The following HMGA2 variants were observed in gnomAD, a reference collection of about 807,000 sequenced individuals.
HMGA2 encodes high mobility group AT-hook 2.
Under a neutral mutation model 19.1 loss-of-function variants are expected in HMGA2, and 8 were observed. The ratio of observed to expected loss-of-function variants is 0.42; its 90% CI spans 0.25 to 0.76. The LOEUF is 0.76. HMGA2 is among the 30% of genes least tolerant of loss of function. The pLI is 0.28. For missense variants in HMGA2, 109 were observed against 136.3 expected, an observed-to-expected ratio of 0.80 and a Z score of 1.00; for synonymous variants, 60 against 48.8, an observed-to-expected ratio of 1.23 and a Z score of -0.96.
intron 3 of HMGA2, among the ~76,000 whole-genome samples, chr12:65,862,068 C>G (rs1872116424): frequency 6.6e-6 from 1 of 152,066 alleles, no homozygotes; most frequent in African/African-American, 2.4e-5. Context: ...TGGTCTTAGT[C>G]TTCTGACCTC....
chr12:65,826,125 G>C (rs553712477), intron 1 of HMGA2: 1 of 152,518 alleles, frequency 6.6e-6, no homozygotes, highest in East Asian at 1.9e-4. Flanking sequence ...GTGCAGGGTA[G>C]CCAGGGTCGC....
At chr12:65,842,230 G>T in intron 3 of HMGA2, 1 of 650,082 alleles carries the variant, frequency 1.5e-6, no homozygotes, top group Non-Finnish European at 2.5e-6. Context: ...GACCTTTAAA[G>T]GTCCAGTTTC....
intron 3 of HMGA2, chr12:65,915,189 C>T (rs1202601426): frequency 3.7e-6 from 6 of 1,608,918 alleles, no homozygotes; most frequent in Non-Finnish European, 5.1e-6. Flanking sequence ...GAGGAATTGT[C>T]CATTACATCT....
intron 3 of HMGA2, among the ~76,000 whole-genome samples, chr12:65,922,534 C>A (rs769287251): frequency 2.6e-5 from 4 of 152,174 alleles, no homozygotes; most frequent in Admixed American, 6.5e-5. Flanking sequence ...AAGTAACTAG[C>A]TTGCTTTTAA....
intron 3 of HMGA2, chr12:65,842,623 C>T (rs1033313012): frequency 6.5e-7 from 1 of 1,535,512 alleles, no homozygotes; most frequent in South Asian, 1.2e-5. Flanking sequence ...AGAAGCCTTT[C>T]TTCCAATAGC....
chr12:65,853,772 A>G (rs1013057332), intron 3 of HMGA2, among the ~76,000 whole-genome samples: 6 of 152,196 alleles, frequency 3.9e-5, no homozygotes, highest in Non-Finnish European at 8.8e-5. Context: ...GCGCATCGTG[A>G]GTGCTCAATA....
At chr12:65,860,361 AT>A (rs1454058029) in intron 3 of HMGA2, among the ~76,000 whole-genome samples, 1 of 152,230 alleles carries the variant, frequency 6.6e-6, no homozygotes, top group Non-Finnish European at 1.5e-5. Flanking sequence ...TTGTATGGAT[AT>A]TTGAAGTATA....
At chr12:65,886,642 A>G (rs1873670384) in intron 3 of HMGA2, among the ~76,000 whole-genome samples, 1 of 151,224 alleles carries the variant, frequency 6.6e-6, no homozygotes, top group Admixed American at 6.6e-5. Flanking sequence ...CAGGCATGAG[A>G]CACAACGCCC....
intron 3 of HMGA2, chr12:65,915,276 T>C (rs918751179): frequency 1.3e-6 from 2 of 1,482,406 alleles, no homozygotes; most frequent in South Asian, 2.5e-5. Flanking sequence ...CACTGGCTTA[T>C]TCTTTCTTAT....
intron 2 of HMGA2, among the ~76,000 whole-genome samples, chr12:65,835,850 C>T (rs753840064): frequency 6.6e-6 from 1 of 152,110 alleles, no homozygotes; most frequent in South Asian, 2.1e-4. Flanking sequence ...TGACTTCACA[C>T]CCCCTTTTCA....
intron 3 of HMGA2, among the ~76,000 whole-genome samples, chr12:65,939,280 A>G (rs900962238): frequency 1.3e-5 from 2 of 152,136 alleles, no homozygotes; most frequent in African/African-American, 4.8e-5. Flanking sequence ...GTGTGTCGGT[A>G]GCTTTGACTA....
At chr12:65,907,268 G>A (rs1179486966) in intron 3 of HMGA2, among the ~76,000 whole-genome samples, 1 of 152,064 alleles carries the variant, frequency 6.6e-6, no homozygotes, top group African/African-American at 2.4e-5. Context: ...AAATGAGCCA[G>A]GTGTGGTGAT....
chr12:65,940,886 A>G (rs1258981490), intron 3 of HMGA2, among the ~76,000 whole-genome samples: 1 of 152,220 alleles, frequency 6.6e-6, no homozygotes, highest in Non-Finnish European at 1.5e-5. Context: ...ATCACGTTAC[A>G]AACTATGTGT....
intron 3 of HMGA2, among the ~76,000 whole-genome samples, chr12:65,932,479 C>T (rs568418529): frequency 1.4e-3 from 220 of 152,306 alleles, no homozygotes; most frequent in Non-Finnish European, 2.7e-3. Context: ...TGTACCCACC[C>T]TGGTGCTTGG....
At chr12:65,956,867 TC>T in intron 4 of HMGA2, 1 of 152,324 alleles carries the variant, frequency 6.6e-6, no homozygotes, top group South Asian at 2.1e-4. Flanking sequence ...CAATATATAA[TC>T]TTTCTTCTTA....
rs958628680 is a variant in HMGA2, at chr12:65,964,257, T to G, written c.*965T>G. 1 of 211,362 alleles carries G rather than the reference T, an allele frequency of 4.7e-6. No homozygotes were observed. The highest frequency in any genetic ancestry group is 9.6e-6 in the Non-Finnish European group (1 of 104,072). 13.1% of individuals were successfully genotyped at this position (211,362 alleles called of 1,614,324 possible). Reference sequence around the variant, plus strand: ...GTGGGAGGAGCGAAATCTAAATTTCTTTTGCTATAGTTATACATCAATTTA... The same window carrying G: ...GTGGGAGGAGCGAAATCTAAATTTCGTTTGCTATAGTTATACATCAATTTA... On this transcript the variant is annotated 3_prime_UTR_variant, in exon 5 of 5. Coordinates refer to ENST00000403681, the MANE Select transcript of HMGA2 (RefSeq NM_003483.6).
intron 3 of HMGA2, chr12:65,935,277 A>G (rs1230538551): frequency 6.6e-6 from 1 of 152,244 alleles, no homozygotes; most frequent in East Asian, 1.9e-4. Flanking sequence ...ATCAATTATT[A>G]GCACCATTAT....
intron 2 of HMGA2, among the ~76,000 whole-genome samples, chr12:65,832,793 G>A (rs904266956): frequency 2.0e-5 from 3 of 151,972 alleles, no homozygotes; most frequent in African/African-American, 7.2e-5. Flanking sequence ...TTAGGGAAGA[G>A]TAGTGCAGGC....
At chr12:65,866,436 A>G (rs1872415963) in intron 3 of HMGA2, among the ~76,000 whole-genome samples, 1 of 152,226 alleles carries the variant, frequency 6.6e-6, no homozygotes, top group African/African-American at 2.4e-5. Flanking sequence ...GGTCATGGAT[A>G]GCCTTGCAGC....
Sources: allele counts gnomAD v4.1 joint callset (sites outside exome capture counted in the v4.1 genomes callset), GRCh38; gene constraint gnomAD v4.1.1; transcripts MANE v1.5; gene names NCBI Gene and HGNC (gene_info 2026-07-23, HGNC 2026-07-21).